TMEM196: variants seen among roughly 807,000 people sequenced by gnomAD.
TMEM196 encodes transmembrane protein 196.
TMEM196 carries 17 observed loss-of-function variants against 20.0 expected under a neutral mutation model. The observed-to-expected ratio is 0.85, with a 90% CI of 0.58 to 1.27. The LOEUF (loss-of-function observed/expected upper bound fraction) is 1.27. TMEM196 is among the 50% of genes most tolerant of loss of function. TMEM196 has a pLI of 0.00. For synonymous variants in TMEM196, 113 were observed against 88.9 expected, an observed-to-expected ratio of 1.27 and a Z score of -1.52; for missense variants, 267 against 223.0, an observed-to-expected ratio of 1.20 and a Z score of -1.26.
At chr7:19,734,963 A>G (rs1171051382) in intron 1 of TMEM196, among the ~76,000 whole-genome samples, 1 of 152,216 alleles carries the variant, frequency 6.6e-6, no homozygotes, top group Non-Finnish European at 1.5e-5. Context: ...AATAAAAAAC[A>G]GTAAATATAT....
At chr7:19,741,907 C>T (rs1215824204) in intron 1 of TMEM196, among the ~76,000 whole-genome samples, 1 of 152,130 alleles carries the variant, frequency 6.6e-6, no homozygotes, top group East Asian at 1.9e-4. Flanking sequence ...TCCCTTTTGG[C>T]AAAACTGAAA....
chr7:19,764,007 C>G (rs1007939303), intron 1 of TMEM196, among the ~76,000 whole-genome samples: 1 of 152,118 alleles, frequency 6.6e-6, no homozygotes, highest in Non-Finnish European at 1.5e-5. Context: ...TGTATTATGC[C>G]AATATCTCCA....
At chr7:19,735,299 T>C (rs1261176137) in intron 1 of TMEM196, among the ~76,000 whole-genome samples, 1 of 152,130 alleles carries the variant, frequency 6.6e-6, no homozygotes, top group Non-Finnish European at 1.5e-5. Flanking sequence ...TTGGTGTAAA[T>C]AATTCGAATA....
At chr7:19,732,761 T>C (rs1784259409) in intron 1 of TMEM196, among the ~76,000 whole-genome samples, 1 of 152,106 alleles carries the variant, frequency 6.6e-6, no homozygotes, top group South Asian at 2.1e-4. Flanking sequence ...ATCAAAATAA[T>C]AAGAACATCA....
intron 2 of TMEM196, among the ~76,000 whole-genome samples, chr7:19,726,725 A>C (rs118073105): frequency 0.026 from 3,903 of 152,254 alleles, 78 homozygotes; most frequent in South Asian, 0.069. Flanking sequence ...ATATTTAATA[A>C]ATTTAATTAA....
At chr7:19,725,894 C>T in intron 2 of TMEM196, 126 bp from the exon 3 acceptor site, 2 of 1,169,494 alleles carry the variant, frequency 1.7e-6, no homozygotes, top group Non-Finnish European at 2.3e-6. Flanking sequence ...GGTTTTGGTG[C>T]TTCACAGAGG....
chr7:19,724,240 G>A, intron 4 of TMEM196, 40 bp downstream of exon 4: 2 of 1,525,806 alleles, frequency 1.3e-6, no homozygotes, highest in Middle Eastern at 1.7e-4. Flanking sequence ...GCTTTCTGCA[G>A]CGACATTACA....
At chr7:19,754,488 T>C (rs1291599584) in intron 1 of TMEM196, among the ~76,000 whole-genome samples, 1 of 152,200 alleles carries the variant, frequency 6.6e-6, no homozygotes, top group African/African-American at 2.4e-5. Context: ...ATTACAACTC[T>C]AATCAGTAGA....
chr7:19,740,346 A>G (rs916429825), intron 1 of TMEM196, among the ~76,000 whole-genome samples: 3 of 152,182 alleles, frequency 2.0e-5, no homozygotes, highest in African/African-American at 7.2e-5. Context: ...GTAACTCTGG[A>G]AAAACAAGAA....
chr7:19,740,055 C>T (rs181021322), intron 1 of TMEM196, among the ~76,000 whole-genome samples: 2 of 152,240 alleles, frequency 1.3e-5, no homozygotes, highest in East Asian at 1.9e-4. Context: ...ACAAACTGAT[C>T]CATGTGCCAT....
chr7:19,743,299 T>G (rs544000950), intron 1 of TMEM196, among the ~76,000 whole-genome samples: 19 of 152,286 alleles, frequency 1.2e-4, no homozygotes, highest in African/African-American at 3.8e-4. Context: ...TCAAGAGGTA[T>G]TAACAAAAGT....
chr7:19,725,840 G>T (rs951606828), intron 2 of TMEM196, 72 bp from the exon 3 acceptor site: 2 of 1,485,672 alleles, frequency 1.3e-6, no homozygotes, highest in Non-Finnish European at 9.0e-7. Context: ...GCCCTGTCCG[G>T]CTGCATGTCA....
chr7:19,769,833 G>T (rs1266524954), intron 1 of TMEM196, among the ~76,000 whole-genome samples: 1 of 152,168 alleles, frequency 6.6e-6, no homozygotes, highest in East Asian at 1.9e-4. Flanking sequence ...GATGTGCCTA[G>T]GTTATTGCAA....
intron 1 of TMEM196, among the ~76,000 whole-genome samples, chr7:19,752,309 C>G (rs1016014561): frequency 1.3e-5 from 2 of 152,154 alleles, no homozygotes; most frequent in Admixed American, 1.3e-4. Flanking sequence ...TTTCCTGTGT[C>G]TATTACTCTT....
intron 1 of TMEM196, among the ~76,000 whole-genome samples, chr7:19,753,497 C>A (rs967284430): frequency 3.3e-5 from 5 of 152,130 alleles, no homozygotes; most frequent in African/African-American, 1.2e-4. Context: ...AAAAGCGTGA[C>A]TCCCATGAAG....
intron 1 of TMEM196, among the ~76,000 whole-genome samples, chr7:19,765,670 T>G (rs905054973): frequency 1.3e-5 from 2 of 152,162 alleles, no homozygotes. Flanking sequence ...GCCAAGTAGC[T>G]TTATGATAGA....
rs913656776 is a variant in TMEM196 at position 19,772,580 on chromosome 7, C to T, written c.117G>A (p.Glu39=). ...GAVSFSLALR[E]HKPQLGDSSP... is the part of the protein sequence containing the mutation. ...ACGAGTCTCCGAGCTGCGGCTTGTG[C>T]TCTCGGAGGGCCAGGCTGAAGCTGA... The change falls in exon 1 of 5, where the codon GAG becomes GAA. Residue 39 remains glutamate (E), a synonymous_variant. Transcript: ENST00000405844. 20 of 1,545,974 alleles carry T rather than the reference C, an allele frequency of 1.3e-5. No homozygotes were observed. Among genetic ancestry groups the T allele is most frequent in the Non-Finnish European group, 1.6e-5 (18 of 1,145,424 alleles).
chr7:19,749,533 T>A (rs961704795), intron 1 of TMEM196, among the ~76,000 whole-genome samples: 4 of 152,018 alleles, frequency 2.6e-5, no homozygotes, highest in Non-Finnish European at 5.9e-5. Context: ...CTCTTTTTTT[T>A]AAATAAATTT....
At chr7:19,758,265 G>T (rs1454701644) in intron 1 of TMEM196, among the ~76,000 whole-genome samples, 3 of 152,092 alleles carry the variant, frequency 2.0e-5, no homozygotes, top group African/African-American at 4.8e-5. Flanking sequence ...ATTTGGTCTG[G>T]AAAAGCACCA....
Sources: allele counts gnomAD v4.1 joint callset (sites outside exome capture counted in the v4.1 genomes callset), GRCh38; gene constraint gnomAD v4.1.1; transcripts MANE v1.5; gene names NCBI Gene and HGNC (gene_info 2026-07-23, HGNC 2026-07-21).